Variants in VWA8 observed in about 807,000 individuals in gnomAD.
VWA8 encodes the protein von Willebrand factor A domain-containing protein 8.
VWA8 carries 221 observed loss-of-function variants against 241.5 expected under a neutral mutation model. The observed-to-expected ratio is 0.91, with a 90% confidence interval of 0.82 to 1.02. VWA8 has a LOEUF of 1.02. VWA8 is among the 50% of genes least tolerant of loss of function. The pLI is 0.00. For missense variants in VWA8, 2,322 were observed against 2,328.7 expected (o/e 1.00, Z 0.06); for synonymous variants, 852 against 827.1 (o/e 1.03, Z -0.52).
intron 43 of VWA8, among the ~76,000 whole-genome samples, chr13:41,574,230 A>G (rs750221313): frequency 2.6e-5 from 4 of 151,954 alleles, no homozygotes; most frequent in Non-Finnish European, 4.4e-5. Flanking sequence ...GTAAAGTCTC[A>G]GGTTACAAAA....
chr13:41,619,444 G>A (rs929467418), intron 37 of VWA8, among the ~76,000 whole-genome samples: 8 of 151,996 alleles, frequency 5.3e-5, no homozygotes, highest in Non-Finnish European at 7.4e-5. Flanking sequence ...CTCTTTTCCT[G>A]ATTGAATACC....
At position 41,701,571 on chromosome 13, in the gene VWA8, T is replaced by C. The variant is rs772978832; in HGVS notation, c.3226-41A>G. On this transcript the variant is annotated intron_variant, in intron 27 of 44. Transcript: ENST00000379310. ...TATCTCAGTTAAGATATTTTGGTTGTCACCAAAATGTAGAAAAGCTAAAGT... is the reference window on the plus strand; with the variant it reads ...TATCTCAGTTAAGATATTTTGGTTGCCACCAAAATGTAGAAAAGCTAAAGT... 9.4e-6 allele frequency: 14 copies of C among 1,489,388 alleles called. No individual in the cohort carries two copies. In the Admixed American group the frequency reaches 1.5e-4, roughly 16 times the overall value. The allele number at this position is 1,489,388 out of a possible 1,614,324, so 92.3% of individuals were successfully genotyped here. A position where few individuals can be genotyped will look rare whatever the true frequency, so the allele number is the denominator to read the frequency against.
chr13:41,642,382 A>G (rs2044801309), intron 37 of VWA8, among the ~76,000 whole-genome samples: 1 of 151,864 alleles, frequency 6.6e-6, no homozygotes, highest in Non-Finnish European at 1.5e-5. Context: ...TCATAGTGAA[A>G]CCCTGTCTCT....
At chr13:41,690,103 G>A (rs1324434248) in intron 33 of VWA8, 63 bp downstream of exon 33, 1 of 1,399,734 alleles carries the variant, frequency 7.1e-7, no homozygotes, top group African/African-American at 1.5e-5. Context: ...AATGATTCTA[G>A]AAGACAGTAT....
chr13:41,776,933 GT>G (rs1463722967), intron 20 of VWA8, among the ~76,000 whole-genome samples: 1 of 151,960 alleles, frequency 6.6e-6, no homozygotes, highest in East Asian at 1.9e-4. Flanking sequence ...TAAAGAATAT[GT>G]ATTATTTTTA....
intron 20 of VWA8, among the ~76,000 whole-genome samples, chr13:41,775,763 A>G (rs1868565300): frequency 6.6e-6 from 1 of 152,202 alleles, no homozygotes; most frequent in Non-Finnish European, 1.5e-5. Flanking sequence ...ATAGCACCCT[A>G]GGACAATTCC....
chr13:41,833,328 G>A, intron 13 of VWA8, 43 bp downstream of exon 13: 1 of 1,556,668 alleles, frequency 6.4e-7, no homozygotes, highest in Non-Finnish European at 8.7e-7. Context: ...TTAAGTCAGA[G>A]TGGGGTGTGT....
chr13:41,644,270 C>T (rs960525751), intron 37 of VWA8, among the ~76,000 whole-genome samples: 5 of 150,984 alleles, frequency 3.3e-5, no homozygotes, highest in Admixed American at 6.6e-5. Flanking sequence ...CTTGTACCAC[C>T]CCCGCCAAAA....
intron 38 of VWA8, among the ~76,000 whole-genome samples, chr13:41,612,648 T>A (rs1171980639): frequency 6.6e-6 from 1 of 152,214 alleles, no homozygotes; most frequent in East Asian, 1.9e-4. Flanking sequence ...TATAAGATTG[T>A]TACCCCTATT....
intron 37 of VWA8, among the ~76,000 whole-genome samples, chr13:41,660,536 A>G (rs1308607889): frequency 6.6e-6 from 1 of 152,202 alleles, no homozygotes; most frequent in African/African-American, 2.4e-5. Context: ...TCAATGCCTC[A>G]TTTCTTAAAG....
intron 35 of VWA8, among the ~76,000 whole-genome samples, chr13:41,684,823 A>C (rs904341945): frequency 6.6e-6 from 1 of 152,226 alleles, no homozygotes; most frequent in African/African-American, 2.4e-5. Context: ...ATATATTATA[A>C]TATAAATGAA....
intron 40 of VWA8, among the ~76,000 whole-genome samples, chr13:41,591,808 A>G (rs1293912987): frequency 6.8e-6 from 1 of 148,082 alleles, no homozygotes; most frequent in African/African-American, 2.5e-5. Flanking sequence ...TTAAAAAGTC[A>G]GGAAACAACA....
intron 1 of VWA8, among the ~76,000 whole-genome samples, chr13:41,956,191 C>T (rs915675038): frequency 5.9e-5 from 9 of 152,162 alleles, no homozygotes; most frequent in Admixed American, 2.0e-4. Context: ...TGTTTAGCAG[C>T]ATCACTGGCC....
intron 19 of VWA8, among the ~76,000 whole-genome samples, chr13:41,780,784 T>C (rs74051193): frequency 0.017 from 2,550 of 152,284 alleles, 63 homozygotes; most frequent in African/African-American, 0.058. Flanking sequence ...ACATTCTTGA[T>C]CTAGTCTCAG....
chr13:41,796,060 G>T (rs1462203156), intron 17 of VWA8, among the ~76,000 whole-genome samples: 3 of 152,172 alleles, frequency 2.0e-5, no homozygotes, highest in Admixed American at 6.5e-5. Context: ...CTATAAAATT[G>T]TTCATAATTT....
intron 40 of VWA8, among the ~76,000 whole-genome samples, chr13:41,594,534 CTT>C (rs1157201460): frequency 1.3e-5 from 2 of 152,016 alleles, no homozygotes; most frequent in Non-Finnish European, 2.9e-5. Context: ...CTACTGTCCT[CTT>C]TATTTTGGTG....
At chr13:41,926,476 T>A (rs953370824) in intron 2 of VWA8, 11 of 525,150 alleles carry the variant, frequency 2.1e-5, no homozygotes, top group African/African-American at 1.5e-4. Context: ...TGAGAATTGC[T>A]CCGGAACTCT....
intron 21 of VWA8, among the ~76,000 whole-genome samples, chr13:41,735,203 T>C (rs1003205180): frequency 6.6e-6 from 1 of 152,180 alleles, no homozygotes; most frequent in Non-Finnish European, 1.5e-5. Flanking sequence ...TAATGGGCAA[T>C]AACATGTCAT....
chr13:41,578,118 C>A (rs12866839), intron 42 of VWA8, among the ~76,000 whole-genome samples: 2 of 152,050 alleles, frequency 1.3e-5, no homozygotes, highest in Admixed American at 1.3e-4. Context: ...GAAAGGTGGA[C>A]TGTATGCTTC....
Sources: allele counts gnomAD v4.1 joint callset (sites outside exome capture counted in the v4.1 genomes callset), GRCh38; gene constraint gnomAD v4.1.1; transcripts MANE v1.5; gene names NCBI Gene and HGNC (gene_info 2026-07-23, HGNC 2026-07-21).